Variants in FRMPD4 observed in about 807,000 individuals in gnomAD.
FRMPD4 encodes FERM and PDZ domain containing 4.
Under a neutral mutation model 94.1 loss-of-function variants are expected in FRMPD4, and 22 were observed. The ratio of observed to expected loss-of-function variants is 0.23; its 90% CI spans 0.17 to 0.33. The LOEUF is 0.33. Ranked by LOEUF, FRMPD4 falls within the 10% of genes least tolerant of loss-of-function variation. The pLI is 1.00. For missense variants in FRMPD4, 1,111 were observed against 1,339.9 expected, an observed-to-expected ratio of 0.83 and a Z score of 2.67; for synonymous variants, 631 against 548.6, an observed-to-expected ratio of 1.15 and a Z score of -2.10.
At chrX:12,135,444 G>A (rs857351), upstream of FRMPD4, among the ~76,000 whole-genome samples, 29,873 of 107,085 alleles carry the variant, frequency 0.28, 3,143 homozygotes, top group South Asian at 0.44. Context: ...TTCCATTGTT[G>A]TATTAATGAG....
At chrX:12,126,893 C>A (rs1484283652) in intron 3 of FRMPD4, among the ~76,000 whole-genome samples, 2 of 111,774 alleles carry the variant, frequency 1.8e-5, no homozygotes, top group African/African-American at 6.5e-5. Flanking sequence ...CCTCCAGGTT[C>A]TCTTCCTCTC....
At chrX:12,129,527 T>C (rs1488449980) in intron 3 of FRMPD4, among the ~76,000 whole-genome samples, 1 of 111,378 alleles carries the variant, frequency 9.0e-6, no homozygotes, top group Non-Finnish European at 1.9e-5. Flanking sequence ...CCAAACTATA[T>C]CAGCTCTCCT....
At chrX:12,574,951 TAAG>T (rs949385465) in intron 2 of FRMPD4, among the ~76,000 whole-genome samples, 3 of 112,117 alleles carry the variant, frequency 2.7e-5, no homozygotes, top group African/African-American at 9.7e-5. Flanking sequence ...GCTCATTAAA[TAAG>T]AACATCTATG....
At chrX:12,307,699 T>C (rs962617150) in intron 1 of FRMPD4, among the ~76,000 whole-genome samples, 2 of 110,685 alleles carry the variant, frequency 1.8e-5, no homozygotes, top group African/African-American at 6.7e-5. Flanking sequence ...TACACTTTGC[T>C]GCATGTCTAT....
chrX:12,649,197 G>A (rs1325623796), intron 4 of FRMPD4, among the ~76,000 whole-genome samples: 1 of 111,916 alleles, frequency 8.9e-6, no homozygotes, highest in Non-Finnish European at 1.9e-5. Flanking sequence ...GATAGGCTCA[G>A]ACAGAAGCTC....
chrX:11,905,156 G>A (rs1381795539), intron 3 of FRMPD4, among the ~76,000 whole-genome samples: 3 of 112,235 alleles, frequency 2.7e-5, no homozygotes, highest in Non-Finnish European at 3.8e-5. Context: ...AGACATATGG[G>A]CAAGACTGCT....
intron 2 of FRMPD4, among the ~76,000 whole-genome samples, chrX:12,510,806 A>T (rs1211088605): frequency 8.9e-6 from 1 of 112,389 alleles, no homozygotes; most frequent in Admixed American, 9.4e-5. Flanking sequence ...CGGACCATGC[A>T]TCTAGCATTT....
chrX:12,675,761 C>T, intron 5 of FRMPD4, among the ~76,000 whole-genome samples: 1 of 111,533 alleles, frequency 9.0e-6, no homozygotes. Flanking sequence ...TCAGTCTGGC[C>T]TTCGTAAGGA....
chrX:12,275,146 G>T (rs1898988293), intron 1 of FRMPD4, among the ~76,000 whole-genome samples: 1 of 111,947 alleles, frequency 8.9e-6, no homozygotes, highest in African/African-American at 3.3e-5. Context: ...GGAGGTGTTT[G>T]GATCATGGGG....
intron 1 of FRMPD4, among the ~76,000 whole-genome samples, chrX:12,166,728 A>G (rs1229358949): frequency 9.0e-6 from 1 of 110,958 alleles, no homozygotes; most frequent in Non-Finnish European, 1.9e-5. Context: ...TCAATTTCAG[A>G]GCCTGTTATT....
intron 1 of FRMPD4, among the ~76,000 whole-genome samples, chrX:12,139,553 G>GC (rs1392217634): frequency 1.1e-5 from 1 of 89,798 alleles, no homozygotes; most frequent in Admixed American, 1.6e-4. Flanking sequence ...TTTTTTTTTG[G>GC]GGGGGGGGTA....
chrX:12,215,834 A>G (rs1371173800), intron 1 of FRMPD4, among the ~76,000 whole-genome samples: 1 of 111,852 alleles, frequency 8.9e-6, no homozygotes, highest in Non-Finnish European at 1.9e-5. Flanking sequence ...TGGGCCACCA[A>G]ACTACATCCT....
chrX:12,414,713 C>T (rs2056776788), intron 1 of FRMPD4, among the ~76,000 whole-genome samples: 1 of 111,622 alleles, frequency 9.0e-6, no homozygotes, highest in Non-Finnish European at 1.9e-5. Context: ...AGAGCAACTT[C>T]AGTAGAAGAG....
At chrX:12,553,460 A>ATATATATATATG (rs769330484) in intron 2 of FRMPD4, among the ~76,000 whole-genome samples, 36 of 81,537 alleles carry the variant, frequency 4.4e-4, no homozygotes, top group African/African-American at 1.2e-3. Context: ...ATATATATAT[A>ATATATATATATG]TATATATCTA....
intron 2 of FRMPD4, among the ~76,000 whole-genome samples, chrX:12,560,660 A>C (rs1278732013): frequency 9.4e-6 from 1 of 106,591 alleles, no homozygotes; most frequent in East Asian, 3.1e-4. Context: ...ATGTGTCTGG[A>C]CAATTGGCAT....
At chrX:11,897,807 CAA>C (rs1391022777) in intron 3 of FRMPD4, among the ~76,000 whole-genome samples, 2 of 111,585 alleles carry the variant, frequency 1.8e-5, no homozygotes, top group Non-Finnish European at 3.8e-5. Flanking sequence ...AACTAATGAA[CAA>C]AATCAATAAG....
intron 3 of FRMPD4, among the ~76,000 whole-genome samples, chrX:11,896,210 AT>A (rs923101906): frequency 1.8e-5 from 2 of 112,250 alleles, no homozygotes; most frequent in African/African-American, 6.5e-5. Context: ...GAAAAAAAAA[AT>A]AATTCAAACT....
rs1361977392 is a variant in FRMPD4 at position 12,191,693 on chromosome X, A to C, written c.41+52681A>C. Among the ~76,000 whole-genome samples, 6 of 112,028 alleles carry C rather than the reference A, an allele frequency of 5.4e-5. 1 individual carries two copies. Among genetic ancestry groups the C allele is most frequent in the Admixed American group, 9.4e-5 (1 of 10,602 alleles). ...ACTGTATGCCATTCTGGAAAAGGCA[A>C]AACTATTGGGAGAGTAAGAGGATCA... On this transcript the variant is annotated intron_variant, in intron 1 of 16. Coordinates refer to ENST00000675598, the MANE Select transcript of FRMPD4 (RefSeq NM_001368397.1).
At chrX:12,255,116 G>A (rs1314637464) in intron 1 of FRMPD4, among the ~76,000 whole-genome samples, 1 of 111,634 alleles carries the variant, frequency 9.0e-6, no homozygotes, top group African/African-American at 3.3e-5. Flanking sequence ...AAAATATGGT[G>A]GAAGTAGCAA....
Sources: allele counts gnomAD v4.1 joint callset (sites outside exome capture counted in the v4.1 genomes callset), GRCh38; gene constraint gnomAD v4.1.1; transcripts MANE v1.5; gene names NCBI Gene and HGNC (gene_info 2026-07-23, HGNC 2026-07-21).